CRTAC1: variants seen among roughly 807,000 people sequenced by gnomAD.
CRTAC1 encodes the protein cartilage acidic protein 1, also known as acidic secreted protein in cartilage.
A neutral mutation model predicts 67.8 loss-of-function variants in CRTAC1; 37 were observed. The ratio of observed to expected loss-of-function variants is 0.55; its 90% CI spans 0.42 to 0.72. CRTAC1 has a LOEUF of 0.72. Among genes scored for constraint, CRTAC1 ranks in the 30% least tolerant of loss-of-function variants. CRTAC1 has a pLI of 0.00. For missense variants in CRTAC1, 780 were observed against 931.6 expected (o/e 0.84, Z 2.12); for synonymous variants, 348 against 371.0 (o/e 0.94, Z 0.71).
chr10:97,933,528 G>A (rs919531523), intron 3 of CRTAC1, among the ~76,000 whole-genome samples: 1 of 152,222 alleles, frequency 6.6e-6, no homozygotes, highest in Non-Finnish European at 1.5e-5. Context: ...GTCTGGCTGG[G>A]GCCAAAGGGG....
chr10:98,009,156 A>T (rs1051996104), intron 2 of CRTAC1, among the ~76,000 whole-genome samples: 1 of 152,186 alleles, frequency 6.6e-6, no homozygotes, highest in African/African-American at 2.4e-5. Flanking sequence ...TCAGCTCTTT[A>T]GTTTTTTCCT....
At chr10:97,865,782 C>T (rs911228602) in intron 14 of CRTAC1, 68 bp from the exon 15 acceptor site, 54 of 1,304,952 alleles carry the variant, frequency 4.1e-5, no homozygotes, top group East Asian at 7.8e-5. Context: ...CCAGAGCACC[C>T]GCTTCTGAGT....
chr10:97,934,602 G>A (rs1277451129), intron 3 of CRTAC1, among the ~76,000 whole-genome samples: 1 of 152,176 alleles, frequency 6.6e-6, no homozygotes, highest in African/African-American at 2.4e-5. Flanking sequence ...TAATGTCGTG[G>A]CTCAGGGGAA....
chr10:98,020,278 T>C (rs1219322495), intron 1 of CRTAC1, among the ~76,000 whole-genome samples: 1 of 152,182 alleles, frequency 6.6e-6, no homozygotes, highest in African/African-American at 2.4e-5. Context: ...TAGCAAGTAC[T>C]ATACGAGGAA....
intron 2 of CRTAC1, among the ~76,000 whole-genome samples, chr10:97,938,302 C>T (rs971394068): frequency 2.6e-5 from 4 of 152,210 alleles, no homozygotes; most frequent in Admixed American, 1.3e-4. Flanking sequence ...CCTGTGAGGG[C>T]TGAACACGAG....
chr10:97,891,019 C>A (rs545494764), intron 11 of CRTAC1, among the ~76,000 whole-genome samples: 6 of 152,102 alleles, frequency 3.9e-5, no homozygotes, highest in Non-Finnish European at 8.8e-5. Flanking sequence ...ATATATTTAC[C>A]TATTTACTAT....
intron 1 of CRTAC1, among the ~76,000 whole-genome samples, chr10:98,027,461 T>A (rs1590306915): frequency 6.6e-6 from 1 of 152,028 alleles, no homozygotes; most frequent in Non-Finnish European, 1.5e-5. Context: ...TCACCAGCAG[T>A]GGTGTGACTG....
intron 2 of CRTAC1, among the ~76,000 whole-genome samples, chr10:97,972,298 G>A (rs1034368770): frequency 6.6e-6 from 1 of 152,234 alleles, no homozygotes; most frequent in South Asian, 2.1e-4. Context: ...GTCAGACAGA[G>A]AGAGTGCACA....
intron 3 of CRTAC1, among the ~76,000 whole-genome samples, chr10:97,928,125 G>A (rs2050949842): frequency 6.6e-6 from 1 of 152,148 alleles, no homozygotes; most frequent in Non-Finnish European, 1.5e-5. Context: ...TGGAGCCACA[G>A]CCCTTACGAG....
chr10:97,918,707 G>T (rs1372695), intron 4 of CRTAC1, among the ~76,000 whole-genome samples: 100,306 of 152,036 alleles, frequency 0.66, 34,655 homozygotes, highest in East Asian at 0.84. Context: ...TTGCTTCAAT[G>T]TCTCATCCAT....
chr10:97,902,481 A>C (rs889113545), intron 7 of CRTAC1, among the ~76,000 whole-genome samples: 3 of 152,248 alleles, frequency 2.0e-5, no homozygotes, highest in Non-Finnish European at 4.4e-5. Flanking sequence ...GGGAGACCCC[A>C]GGCCCAGGAT....
chr10:97,936,255 C>A lies in CRTAC1; in HGVS notation c.336G>T (p.Gly112=), dbSNP rs35102386. 109 of 1,614,174 alleles carry A rather than the reference C, an allele frequency of 6.8e-5. No homozygotes were observed. Among genetic ancestry groups the A allele is most frequent in the Middle Eastern group, 6.6e-4 (4 of 6,054 alleles). Residue 112 remains glycine (G), a synonymous_variant, in exon 3 of 15, where the codon GGG becomes GGT. Coordinates refer to ENST00000370597, the MANE Select transcript of CRTAC1 (RefSeq NM_018058.7). ...CGCAGGCTGTGACCCCGATGGCGTT[C>A]CCCTGCCGGTCCCGCAGCGCGTAGT... ...SPYYALRDRQ[G]NAIGVTACDI...
chr10:97,924,300 A>G (rs1157378797), intron 3 of CRTAC1, among the ~76,000 whole-genome samples: 8 of 152,110 alleles, frequency 5.3e-5, no homozygotes, highest in African/African-American at 1.9e-4. Flanking sequence ...AAGACCCCGA[A>G]TGTTCGTAGT....
At chr10:98,002,594 T>A (rs572768051) in intron 2 of CRTAC1, among the ~76,000 whole-genome samples, 1 of 151,884 alleles carries the variant, frequency 6.6e-6, no homozygotes, top group Non-Finnish European at 1.5e-5. Flanking sequence ...CCAATTTGGG[T>A]GTGTTTGTCC....
intron 2 of CRTAC1, among the ~76,000 whole-genome samples, chr10:97,964,981 T>G (rs878976894): frequency 6.6e-6 from 1 of 152,196 alleles, no homozygotes; most frequent in Non-Finnish European, 1.5e-5. Context: ...CCCATCACAC[T>G]TGCCACTGGG....
intron 2 of CRTAC1, among the ~76,000 whole-genome samples, chr10:97,960,303 C>T (rs533261235): frequency 4.6e-5 from 7 of 152,332 alleles, no homozygotes; most frequent in African/African-American, 1.7e-4. Flanking sequence ...CCCCTCTTGT[C>T]AGCAGCATCA....
At chr10:97,941,411 G>A (rs533592264) in intron 2 of CRTAC1, among the ~76,000 whole-genome samples, 1 of 152,118 alleles carries the variant, frequency 6.6e-6, no homozygotes, top group East Asian at 1.9e-4. Flanking sequence ...TCATTACCCT[G>A]ACTGACAATT....
In CRTAC1 at chr10:97,872,254, G is replaced by T. The variant is rs112885643; in HGVS notation, c.1820-6540C>A. On this transcript the variant is annotated intron_variant, in intron 14 of 14. Coordinates refer to ENST00000370597, the MANE Select transcript of CRTAC1 (RefSeq NM_018058.7). ...TGTCATCTGCAGACCCCTAGGGCAA[G>T]GTGCCACTGAGAAGCAGCTCAGTAC... Among the ~76,000 whole-genome samples the T allele has an allele frequency of 7.2e-5, 11 of 152,246 alleles. No individual in the cohort carries two copies. In the East Asian group the frequency reaches 1.9e-3, roughly 27 times the overall value.
chr10:97,865,764 C>T (rs1393609740), intron 14 of CRTAC1, 50 bp from the exon 15 acceptor site: 1 of 1,418,042 alleles, frequency 7.1e-7, no homozygotes, highest in Non-Finnish European at 9.3e-7. Flanking sequence ...CCTGCGGCGG[C>T]TGCGCTACCA....
Sources: gnomAD v4.1 joint callset for allele counts (sites outside exome capture counted in the v4.1 genomes callset) on GRCh38, gnomAD v4.1.1 for gene constraint, MANE v1.5 for transcripts, NCBI Gene and HGNC (gene_info 2026-07-23, HGNC 2026-07-21) for gene names.